Variants in UNC13C observed in about 807,000 individuals in gnomAD.
UNC13C encodes unc-13 homolog C, also known as protein unc-13 homolog C.
A neutral mutation model predicts 245.4 loss-of-function variants in UNC13C; 174 were observed. The ratio of observed to expected loss-of-function variants is 0.71; its 90% CI spans 0.63 to 0.80. UNC13C has a LOEUF of 0.80. Among genes scored for constraint, UNC13C ranks in the 30% least tolerant of loss-of-function variants. UNC13C has a pLI of 0.00. For missense variants in UNC13C, 2,829 were observed against 2,602.9 expected, an observed-to-expected ratio of 1.09 and a Z score of -1.89; for synonymous variants, 992 against 895.1, an observed-to-expected ratio of 1.11 and a Z score of -1.93.
chr15:53,926,958 C>T, the UNC13C span, among the ~76,000 whole-genome samples: 4 of 152,176 alleles, frequency 2.6e-5, no homozygotes, highest in African/African-American at 4.8e-5. Context: ...GGTTACTTTC[C>T]GTGAGTAAGC....
chr15:53,908,747 T>G, the UNC13C span, among the ~76,000 whole-genome samples: 37 of 40,770 alleles, frequency 9.1e-4, 3 homozygotes, highest in East Asian at 0.021. Context: ...ATGAGAACCT[T>G]TCTCCAAAAA....
chr15:54,354,184 A>G (rs1395259441), intron 17 of UNC13C, among the ~76,000 whole-genome samples: 2 of 152,180 alleles, frequency 1.3e-5, no homozygotes, highest in African/African-American at 2.4e-5. Flanking sequence ...TTTAGAAAAA[A>G]AAAAGGATAA....
At chr15:54,405,342 A>G (rs1412545831) in intron 18 of UNC13C, among the ~76,000 whole-genome samples, 1 of 152,184 alleles carries the variant, frequency 6.6e-6, no homozygotes, top group African/African-American at 2.4e-5. Context: ...GCTATGTATT[A>G]TGCAGAAGAA....
chr15:54,212,534 C>G (rs78600078), intron 4 of UNC13C, among the ~76,000 whole-genome samples: 1 of 151,902 alleles, frequency 6.6e-6, no homozygotes, highest in African/African-American at 2.4e-5. Context: ...AATATGTACA[C>G]AATACCGTGC....
At chr15:54,113,122 A>G (rs936594303) in intron 2 of UNC13C, among the ~76,000 whole-genome samples, 1 of 152,072 alleles carries the variant, frequency 6.6e-6, no homozygotes, top group African/African-American at 2.4e-5. Context: ...ACTCAACCCA[A>G]CCTACATCTT....
rs192414476 is a variant in UNC13C, at chr15:54,226,158, G to T, written c.3072-8872G>T. ...ACTTTGCATTTCAGGATGAAGCCAA[G>T]TTGATTGTCATGGGTAAGCTTTTTG... On this transcript the variant is annotated intron_variant, in intron 4 of 32. Transcript: ENST00000260323. 2.0e-5 allele frequency among the ~76,000 whole-genome samples: 3 copies of T among 152,300 alleles called. No individual in the cohort carries two copies. In the East Asian group the frequency reaches 5.8e-4, roughly 29 times the overall value.
chr15:54,410,442 C>T, intron 18 of UNC13C, among the ~76,000 whole-genome samples: 1 of 151,572 alleles, frequency 6.6e-6, no homozygotes, highest in Non-Finnish European at 1.5e-5. Context: ...AAATCTTTGC[C>T]AAGGCCTATG....
At chr15:54,599,209 C>T (rs1409446122) in intron 30 of UNC13C, among the ~76,000 whole-genome samples, 1 of 151,960 alleles carries the variant, frequency 6.6e-6, no homozygotes, top group Non-Finnish European at 1.5e-5. Context: ...TGAAGAGAAA[C>T]AGAGGTTCAG....
At chr15:54,277,005 C>T (rs952575642) in intron 10 of UNC13C, among the ~76,000 whole-genome samples, 1 of 151,970 alleles carries the variant, frequency 6.6e-6, no homozygotes, top group Non-Finnish European at 1.5e-5. Flanking sequence ...TAAACTTTTA[C>T]TGTTAATTTA....
intron 28 of UNC13C, among the ~76,000 whole-genome samples, chr15:54,553,363 T>TATATAATTATATTAG (rs1445006451): frequency 4.9e-4 from 62 of 126,814 alleles, no homozygotes; most frequent in Non-Finnish European, 8.0e-4. Context: ...TATAATATAA[T>TATATAATTATATTAG]ATATAATTAT....
the UNC13C span, among the ~76,000 whole-genome samples, chr15:53,951,229 A>G: frequency 6.6e-6 from 1 of 152,374 alleles, no homozygotes; most frequent in East Asian, 1.9e-4. Flanking sequence ...ACTTGGCATC[A>G]GAAATGCCCT....
At chr15:54,095,948 A>G (rs1430373310) in intron 2 of UNC13C, among the ~76,000 whole-genome samples, 1 of 152,202 alleles carries the variant, frequency 6.6e-6, no homozygotes, top group Non-Finnish European at 1.5e-5. Context: ...GCACGTGTCC[A>G]TGTCGAATTG....
intron 1 of UNC13C, among the ~76,000 whole-genome samples, chr15:54,004,089 C>T (rs1227870554): frequency 6.6e-6 from 1 of 152,136 alleles, no homozygotes; most frequent in Non-Finnish European, 1.5e-5. Context: ...AGTGTGCTAT[C>T]AAATATTAGA....
intron 4 of UNC13C, among the ~76,000 whole-genome samples, chr15:54,152,764 G>A (rs1159365939): frequency 6.6e-6 from 1 of 152,018 alleles, no homozygotes; most frequent in African/African-American, 2.4e-5. Context: ...GAAAGTGTAA[G>A]AAATGCCATG....
At chr15:54,105,595 A>G (rs1900402503) in intron 2 of UNC13C, among the ~76,000 whole-genome samples, 1 of 152,172 alleles carries the variant, frequency 6.6e-6, no homozygotes. Context: ...GTCTCAGGTG[A>G]CTAAGGAATA....
rs114306686 is a variant in UNC13C, at chr15:54,018,340, G to A, written c.2983+2454G>A. The stretch of plus-strand genomic sequence containing the variant: ...AGCCAGATTGGAGTGCAGAGCTCTT[G>A]CTGTCAAACTGTGGGATGCTGTCTC... On this transcript the variant is annotated intron_variant, in intron 2 of 32. Coordinates refer to ENST00000260323, the MANE Select transcript of UNC13C (RefSeq NM_001080534.3). Among the ~76,000 whole-genome samples, 1,174 of 152,296 alleles carry A rather than the reference G, an allele frequency of 7.7e-3. 18 individuals carry two copies. The highest frequency in any genetic ancestry group is 0.026 in the African/African-American group (1,091 of 41,548).
chr15:54,483,629 G>A, intron 19 of UNC13C, among the ~76,000 whole-genome samples: 1 of 152,084 alleles, frequency 6.6e-6, no homozygotes, highest in Non-Finnish European at 1.5e-5. Flanking sequence ...CCAAGTAGCT[G>A]GGATTACAGG....
At chr15:53,993,951 C>T (rs1239885521) in intron 1 of UNC13C, among the ~76,000 whole-genome samples, 1 of 151,912 alleles carries the variant, frequency 6.6e-6, no homozygotes, top group South Asian at 2.1e-4. Flanking sequence ...TGAGAAGGAG[C>T]TTTTGATGGA....
At chr15:54,016,497 G>A (rs886780145) in intron 2 of UNC13C, among the ~76,000 whole-genome samples, 6 of 152,132 alleles carry the variant, frequency 3.9e-5, no homozygotes, top group African/African-American at 1.4e-4. Flanking sequence ...ATGTCTGAGT[G>A]GTCACAAGCT....
Sources: allele counts gnomAD v4.1 joint callset (sites outside exome capture counted in the v4.1 genomes callset), GRCh38; gene constraint gnomAD v4.1.1; transcripts MANE v1.5; gene names NCBI Gene and HGNC (gene_info 2026-07-23, HGNC 2026-07-21).